DNAAF5: variants seen among roughly 807,000 people sequenced by gnomAD.
DNAAF5 encodes HEAT repeat containing 2.
DNAAF5 carries 64 observed loss-of-function variants against 75.8 expected under a neutral mutation model. The ratio of observed to expected loss-of-function variants is 0.84; its 90% CI spans 0.69 to 1.04. The LOEUF is 1.04. DNAAF5 is among the 50% of genes least tolerant of loss of function. DNAAF5 has a pLI of 0.00. For missense variants in DNAAF5, 1,269 were observed against 1,178.5 expected (o/e 1.08, Z -1.12); for synonymous variants, 657 against 557.2 (o/e 1.18, Z -2.52).
At chr7:761,351 G>A (rs959309867) in intron 6 of DNAAF5, among the ~76,000 whole-genome samples, 13 of 152,234 alleles carry the variant, frequency 8.5e-5, no homozygotes, top group African/African-American at 2.9e-4. Flanking sequence ...CACTGGGGCC[G>A]GAGCGGGAGC....
chr7:773,214 A>T (rs1226118421), intron 9 of DNAAF5, among the ~76,000 whole-genome samples: 3 of 152,190 alleles, frequency 2.0e-5, no homozygotes, highest in Non-Finnish European at 4.4e-5. Context: ...AAATCACACC[A>T]CACCAACGTC....
intron 8 of DNAAF5, chr7:769,046 A>T (rs985910750): frequency 2.0e-5 from 13 of 656,338 alleles, no homozygotes; most frequent in African/African-American, 1.8e-4. Context: ...AGCTGGTCTC[A>T]CCGCGAGGCC....
intron 12 of DNAAF5, among the ~76,000 whole-genome samples, chr7:781,584 A>C (rs1012549348): frequency 7.0e-6 from 1 of 143,856 alleles, no homozygotes; most frequent in African/African-American, 2.5e-5. Flanking sequence ...TTTTGGAGGG[A>C]CCTCCAGACT....
chr7:726,968 G>T lies in DNAAF5; in HGVS notation c.248G>T (p.Arg83Leu). Residue 83 changes from arginine to leucine, a missense_variant, in exon 1 of 13, where the codon CGC becomes CTC. Physicochemically the swap from Arg to Leu is moderately radical, Grantham distance 102. Transcript: ENST00000297440. ...WARLLLPRLL[R>L]CLSDPAEGCR... Reference sequence around the variant, plus strand: ...CGCCTACTGCTGCCGCGCTTGCTGCGCTGCCTGAGCGACCCCGCCGAGGGC... The same window carrying T: ...CGCCTACTGCTGCCGCGCTTGCTGCTCTGCCTGAGCGACCCCGCCGAGGGC... 1 of 1,311,916 alleles carries T rather than the reference G, an allele frequency of 7.6e-7. No homozygotes were observed. The highest frequency in any genetic ancestry group is 9.7e-7 in the Non-Finnish European group (1 of 1,025,918). The allele number at this position is 1,311,916 out of a possible 1,614,324, so 81.3% of individuals were successfully genotyped here. A position where few individuals can be genotyped will look rare whatever the true frequency, so the allele number is the denominator to read the frequency against.
Position 727,324 on chromosome 7 carries a change from C to T in DNAAF5, c.595+9C>T. On this transcript the variant is annotated intron_variant, in intron 1 of 12. Transcript: ENST00000297440. ...GGCGCAGGCCACGCCCGGTGAGCAC[C>T]CCGGGCCCCGCTCCCACACGCCACC... is the stretch of plus-strand genomic sequence containing the variant. The T allele has an allele frequency of 7.9e-7, 1 of 1,258,864 alleles. No homozygotes were observed. Among genetic ancestry groups the T allele is most frequent in the Non-Finnish European group, 1.0e-6 (1 of 999,088 alleles). The allele number at this position is 1,258,864 out of a possible 1,614,324, so 78.0% of individuals were successfully genotyped here. A position where few individuals can be genotyped will look rare whatever the true frequency, so the allele number is the denominator to read the frequency against.
chr7:760,470 G>A (rs1782611700), intron 6 of DNAAF5, among the ~76,000 whole-genome samples: 1 of 152,120 alleles, frequency 6.6e-6, no homozygotes, highest in Non-Finnish European at 1.5e-5. Flanking sequence ...ACATAAAATA[G>A]ACATTAGAGG....
At chr7:772,420 A>T (rs2128084288) in intron 9 of DNAAF5, 1 of 152,374 alleles carries the variant, frequency 6.6e-6, no homozygotes, top group East Asian at 1.9e-4. Context: ...AAGGATGCTC[A>T]GCCTGCGTCT....
At position 736,847 on chromosome 7, in the gene DNAAF5, T is replaced by TTGTG. The variant is rs35598413; in HGVS notation, c.781-3962_781-3959dup. Among the ~76,000 whole-genome samples, 24 of 151,444 alleles carry TTGTG rather than the reference T, an allele frequency of 1.6e-4. 1 individual carries two copies. Among genetic ancestry groups the TTGTG allele is most frequent in the Admixed American group, 7.9e-4 (12 of 15,224 alleles). ...CTGGCGGTATGTTTTAATTTCTTTT[T>TTGTG]TGTGTGTGTGTGTATCTGTTGTGGC... On this transcript the variant is annotated intron_variant, in intron 2 of 12. Coordinates refer to ENST00000297440, the MANE Select transcript of DNAAF5 (RefSeq NM_017802.4).
intron 2 of DNAAF5, among the ~76,000 whole-genome samples, chr7:734,346 G>C (rs988078327): frequency 6.6e-6 from 1 of 152,192 alleles, no homozygotes. Context: ...AGCATCACTT[G>C]AAATAATCAC....
intron 11 of DNAAF5, among the ~76,000 whole-genome samples, chr7:775,449 G>A (rs1047009101): frequency 1.3e-5 from 2 of 152,106 alleles, no homozygotes; most frequent in Non-Finnish European, 2.9e-5. Context: ...AGGAAGCTGA[G>A]GCAGGAGGAT....
At chr7:749,118 G>A (rs538365596) in intron 4 of DNAAF5, among the ~76,000 whole-genome samples, 4 of 152,032 alleles carry the variant, frequency 2.6e-5, no homozygotes, top group African/African-American at 4.8e-5. Context: ...ACCAAGCTTC[G>A]TGCTGGGAGG....
At chr7:727,839 G>A (rs1583469616) in intron 1 of DNAAF5, among the ~76,000 whole-genome samples, 1 of 148,700 alleles carries the variant, frequency 6.7e-6, no homozygotes, top group South Asian at 2.2e-4. Context: ...ACCCCACCCG[G>A]GCCCACGAGC....
At chr7:740,358 G>A (rs1381805807) in intron 2 of DNAAF5, among the ~76,000 whole-genome samples, 1 of 152,226 alleles carries the variant, frequency 6.6e-6, no homozygotes, top group Non-Finnish European at 1.5e-5. Flanking sequence ...TCTGGGACCA[G>A]ACGCCTTTGA....
At chr7:782,323 C>T (rs1348483202) in intron 12 of DNAAF5, among the ~76,000 whole-genome samples, 4 of 151,360 alleles carry the variant, frequency 2.6e-5, no homozygotes, top group African/African-American at 7.3e-5. Context: ...CCTCCCGTCA[C>T]GCGGCGTCAG....
chr7:737,689 A>C (rs1345580260), intron 2 of DNAAF5, among the ~76,000 whole-genome samples: 1 of 152,240 alleles, frequency 6.6e-6, no homozygotes, highest in Admixed American at 6.5e-5. Flanking sequence ...CACTGGATAC[A>C]CTAGGGTAAA....
At chr7:778,417 G>C (rs949966157) in intron 11 of DNAAF5, 1 of 152,158 alleles carries the variant, frequency 6.6e-6, no homozygotes, top group Non-Finnish European at 1.5e-5. Flanking sequence ...CCTGAGTTGG[G>C]AGCACAGACA....
chr7:727,317 TG>T lies in DNAAF5; in HGVS notation c.595+3del. ...CCGCCCTGGCGCAGGCCACGCCCGG[TG>T]AGCACCCCGGGCCCCGCTCCCACAC... On this transcript the variant is annotated splice_donor_region_variant and intron_variant, in intron 1 of 12. Coordinates refer to ENST00000297440, the MANE Select transcript of DNAAF5 (RefSeq NM_017802.4). 2 of 1,276,680 alleles carry T rather than the reference TG, an allele frequency of 1.6e-6. No homozygotes were observed. Among genetic ancestry groups the T allele is most frequent in the Non-Finnish European group, 2.0e-6 (2 of 1,013,006 alleles). The allele number at this position is 1,276,680 out of a possible 1,614,324, so 79.1% of individuals were successfully genotyped here.
At chr7:767,958 C>T (rs796944287) in intron 8 of DNAAF5, among the ~76,000 whole-genome samples, 2 of 146,844 alleles carry the variant, frequency 1.4e-5, no homozygotes, top group East Asian at 2.1e-4. Flanking sequence ...GCAGAAGTGT[C>T]CGCCAGCAGG....
intron 4 of DNAAF5, among the ~76,000 whole-genome samples, chr7:748,879 A>T (rs1263542697): frequency 1.3e-5 from 2 of 152,194 alleles, no homozygotes; most frequent in Admixed American, 6.5e-5. Context: ...AAAGTTCGGT[A>T]ATATTTTCAG....
Sources: allele counts gnomAD v4.1 joint callset (sites outside exome capture counted in the v4.1 genomes callset), GRCh38; gene constraint gnomAD v4.1.1; transcripts MANE v1.5; gene names NCBI Gene and HGNC (gene_info 2026-07-23, HGNC 2026-07-21).